Variants in NCF2 observed in about 807,000 individuals in gnomAD.
NCF2 encodes neutrophil cytosol factor 2.
Under a neutral mutation model 70.9 loss-of-function variants are expected in NCF2, and 45 were observed. The observed-to-expected ratio is 0.63, with a 90% CI of 0.50 to 0.81. The LOEUF (loss-of-function observed/expected upper bound fraction) is 0.81, where lower values mean the gene tolerates loss of function less well. Ranked by LOEUF, NCF2 falls within the 40% of genes least tolerant of loss-of-function variation. The probability of loss-of-function intolerance (pLI) is 0.00; values close to 1 mark genes in which losing one functional copy is unlikely to be tolerated. For missense variants in NCF2, 522 were observed against 631.6 expected (o/e 0.83, Z 1.86); for synonymous variants, 203 against 233.6 (o/e 0.87, Z 1.19).
intron 3 of NCF2, 33 bp downstream of exon 3, chr1:183,577,566 C>T (rs756420788): frequency 5.3e-6 from 8 of 1,509,456 alleles, no homozygotes; most frequent in Admixed American, 5.0e-5. Flanking sequence ...GCCATGATCC[C>T]CTCCTGCCCA....
At chr1:183,584,716 A>G (rs991967125) in intron 2 of NCF2, among the ~76,000 whole-genome samples, 2 of 152,142 alleles carry the variant, frequency 1.3e-5, no homozygotes, top group South Asian at 2.1e-4. Context: ...GCCTCCCTGC[A>G]TATTCTATAG....
chr1:183,593,805 C>T (rs1673728379), upstream of NCF2, among the ~76,000 whole-genome samples: 1 of 152,198 alleles, frequency 6.6e-6, no homozygotes, highest in South Asian at 2.1e-4. Context: ...GTCCATTCGC[C>T]TTCCTCCTTT....
chr1:183,582,834 C>T (rs990547620), intron 2 of NCF2, among the ~76,000 whole-genome samples: 2 of 152,166 alleles, frequency 1.3e-5, no homozygotes, highest in Non-Finnish European at 2.9e-5. Flanking sequence ...CAGATGACAA[C>T]GCTGGGGCTA....
At chr1:183,593,645 G>T (rs967243444), upstream of NCF2, among the ~76,000 whole-genome samples, 1 of 152,160 alleles carries the variant, frequency 6.6e-6, no homozygotes, top group Non-Finnish European at 1.5e-5. Flanking sequence ...CTAGATCCAT[G>T]ACCTTGCTAT....
chr1:183,601,777 G>C, the NCF2 span, among the ~76,000 whole-genome samples: 3 of 150,662 alleles, frequency 2.0e-5, no homozygotes, highest in African/African-American at 7.3e-5. Flanking sequence ...AGAATGGCGT[G>C]AACCCAGGAG....
chr1:183,590,494 TTGCAAA>T, upstream of NCF2: 1 of 744,260 alleles, frequency 1.3e-6, no homozygotes. Flanking sequence ...CTTCTCAGTG[TTGCAAA>T]TGCATCAGGA....
upstream of NCF2, among the ~76,000 whole-genome samples, chr1:183,592,969 C>T (rs531713010): frequency 1.2e-4 from 18 of 152,300 alleles, no homozygotes; most frequent in South Asian, 1.4e-3. Context: ...GCATAGCCTT[C>T]GAAGGCCTGC....
intron 4 of NCF2, 97 bp downstream of exon 4, chr1:183,574,390 A>C: frequency 1.9e-6 from 3 of 1,561,944 alleles, no homozygotes; most frequent in Non-Finnish European, 2.6e-6. Flanking sequence ...CACAGAAAGT[A>C]AAAGCACCAC....
chr1:183,576,503 C>T (rs1286752114), intron 3 of NCF2, among the ~76,000 whole-genome samples: 1 of 152,168 alleles, frequency 6.6e-6, no homozygotes. Flanking sequence ...GCTAGAGATG[C>T]CGTCAAAGTT....
chr1:183,600,006 CT>C, the NCF2 span, among the ~76,000 whole-genome samples: 1 of 152,156 alleles, frequency 6.6e-6, no homozygotes, highest in African/African-American at 2.4e-5. Context: ...TTAATGTCAC[CT>C]TGTGCTTTTA....
At chr1:183,598,922 C>T in the NCF2 span, among the ~76,000 whole-genome samples, 3 of 152,148 alleles carry the variant, frequency 2.0e-5, no homozygotes. Flanking sequence ...AAGTATGAGT[C>T]CAGTCTTCTA....
intron 7 of NCF2, 79 bp downstream of exon 7, chr1:183,569,063 A>C: frequency 1.4e-6 from 2 of 1,391,262 alleles, no homozygotes; most frequent in Non-Finnish European, 2.0e-6. Flanking sequence ...CCCCACCTTC[A>C]TCTTCTTCCC....
chr1:183,579,738 C>CAAAAAA (rs397982209), intron 2 of NCF2, among the ~76,000 whole-genome samples: 3 of 38,862 alleles, frequency 7.7e-5, no homozygotes, highest in African/African-American at 7.8e-5. Flanking sequence ...GACTCTGTCT[C>CAAAAAA]AAAAAAAAAA....
chr1:183,571,107 A>T (rs1039691354), intron 5 of NCF2, among the ~76,000 whole-genome samples: 6 of 149,014 alleles, frequency 4.0e-5, no homozygotes, highest in Non-Finnish European at 8.9e-5. Flanking sequence ...GTATAACATC[A>T]AATTATCTTT....
chr1:183,599,448 T>TTCTTTCTTTCTTTC, the NCF2 span, among the ~76,000 whole-genome samples: 5 of 114,422 alleles, frequency 4.4e-5, no homozygotes, highest in African/African-American at 1.6e-4. Context: ...CTTTCTTTCT[T>TTCTTTCTTTCTTTC]TCTTTCTTTC....
chr1:183,599,470 C>CTTTCTTTCT, the NCF2 span, among the ~76,000 whole-genome samples: 3 of 137,152 alleles, frequency 2.2e-5, no homozygotes, highest in Non-Finnish European at 1.6e-5. Flanking sequence ...TTCTTTCTTT[C>CTTTCTTTCT]TTTCTTTCTT....
At chr1:183,579,865 T>G (rs1258918059) in intron 2 of NCF2, among the ~76,000 whole-genome samples, 1 of 152,162 alleles carries the variant, frequency 6.6e-6, no homozygotes, top group Admixed American at 6.5e-5. Context: ...CCATAATTTT[T>G]TTACTATTGT....
intron 10 of NCF2, among the ~76,000 whole-genome samples, chr1:183,565,394 T>G (rs1200280791): frequency 6.6e-6 from 1 of 152,196 alleles, no homozygotes; most frequent in East Asian, 1.9e-4. Context: ...ACTTCAACTT[T>G]TCTTCCTGAG....
At chr1:183,598,549 G>C in the NCF2 span, among the ~76,000 whole-genome samples, 1 of 151,706 alleles carries the variant, frequency 6.6e-6, no homozygotes, top group Non-Finnish European at 1.5e-5. Context: ...AGAGTATAAG[G>C]AAAGACAAAG....
Sources: allele counts gnomAD v4.1 joint callset (sites outside exome capture counted in the v4.1 genomes callset), GRCh38; gene constraint gnomAD v4.1.1; transcripts MANE v1.5; gene names NCBI Gene and HGNC (gene_info 2026-07-23, HGNC 2026-07-21).